DHRSX: variants seen among roughly 807,000 people sequenced by gnomAD.
DHRSX encodes polyprenol dehydrogenase.
Under a neutral mutation model 34.0 loss-of-function variants are expected in DHRSX, and 31 were observed. That is an observed-to-expected ratio of 0.91 (90% CI 0.69 to 1.23). The LOEUF (loss-of-function observed/expected upper bound fraction) is 1.23. Ranked by LOEUF, DHRSX falls within the 50% of genes most tolerant of loss-of-function variation. DHRSX has a pLI of 0.00. For missense variants in DHRSX, 414 were observed against 428.1 expected (o/e 0.97, Z 0.29); for synonymous variants, 201 against 183.8 (o/e 1.09, Z -0.76).
intron 1 of DHRSX, among the ~76,000 whole-genome samples, chrX:2,445,210 G>A (rs1340355855): frequency 3.3e-5 from 5 of 152,100 alleles, no homozygotes; most frequent in South Asian, 2.1e-4. Context: ...ACACAGGGCC[G>A]AAAAGGGCTA....
chrX:2,478,880 G>C (rs6641811), intron 1 of DHRSX, among the ~76,000 whole-genome samples: 45,172 of 151,654 alleles, frequency 0.3, 7,185 homozygotes, highest in African/African-American at 0.4. Flanking sequence ...TGTACACACT[G>C]AAGACGTTCC....
intron 3 of DHRSX, among the ~76,000 whole-genome samples, chrX:2,382,711 TCATCACCAC>T (rs2043222333): frequency 3.8e-5 from 1 of 26,418 alleles, no homozygotes; most frequent in Admixed American, 3.8e-4. Flanking sequence ...ACCATCACCA[TCATCACCAC>T]CATCATCACC....
intron 3 of DHRSX, among the ~76,000 whole-genome samples, chrX:2,314,996 T>C (rs1484225370): frequency 6.6e-6 from 1 of 152,018 alleles, no homozygotes; most frequent in Non-Finnish European, 1.5e-5. Context: ...CTGTCTCTAC[T>C]AAAAGTACAA....
chrX:2,449,353 AC>A (rs1417148071), intron 1 of DHRSX, among the ~76,000 whole-genome samples: 12 of 152,132 alleles, frequency 7.9e-5, no homozygotes, highest in African/African-American at 2.2e-4. Flanking sequence ...CCTAACACAC[AC>A]CATGGCAGGG....
intron 5 of DHRSX, among the ~76,000 whole-genome samples, chrX:2,257,130 A>G (rs762425649): frequency 6.6e-6 from 1 of 152,028 alleles, no homozygotes; most frequent in East Asian, 1.9e-4. Context: ...TAATTTTTGT[A>G]TTTTTAGTAG....
At chrX:2,348,365 G>A (rs987918832) in intron 3 of DHRSX, among the ~76,000 whole-genome samples, 6 of 152,190 alleles carry the variant, frequency 3.9e-5, no homozygotes, top group African/African-American at 1.4e-4. Context: ...TCAGTCGCTT[G>A]CAGCCAGGGT....
chrX:2,270,880 C>T (rs2041542230), intron 4 of DHRSX, among the ~76,000 whole-genome samples: 1 of 151,990 alleles, frequency 6.6e-6, no homozygotes, highest in African/African-American at 2.4e-5. Context: ...TAAAATGGAC[C>T]AATCAATGCT....
intron 3 of DHRSX, among the ~76,000 whole-genome samples, chrX:2,300,679 C>T (rs1171547504): frequency 3.9e-5 from 6 of 152,190 alleles, no homozygotes; most frequent in Non-Finnish European, 8.8e-5. Flanking sequence ...TCAGCTTTAG[C>T]ACTCGGGCTG....
intron 3 of DHRSX, among the ~76,000 whole-genome samples, chrX:2,377,591 T>C (rs2043156395): frequency 6.6e-6 from 1 of 152,076 alleles, no homozygotes; most frequent in Non-Finnish European, 1.5e-5. Context: ...TCCTCTGTTC[T>C]ACAGGACAAG....
intron 3 of DHRSX, among the ~76,000 whole-genome samples, chrX:2,336,027 G>T (rs1014272484): frequency 6.6e-6 from 1 of 151,698 alleles, no homozygotes; most frequent in Non-Finnish European, 1.5e-5. Context: ...TTTTGTTGTC[G>T]TTGAGACAGA....
At chrX:2,326,236 C>T (rs942173524) in intron 3 of DHRSX, among the ~76,000 whole-genome samples, 1 of 152,088 alleles carries the variant, frequency 6.6e-6, no homozygotes, top group Non-Finnish European at 1.5e-5. Context: ...AAGTTAAAAA[C>T]TCCTGGCCAG....
At chrX:2,331,272 T>G (rs1219102553) in intron 3 of DHRSX, among the ~76,000 whole-genome samples, 2 of 152,048 alleles carry the variant, frequency 1.3e-5, no homozygotes, top group African/African-American at 4.8e-5. Flanking sequence ...ATAGCAGAAG[T>G]GACTTCCTCC....
chrX:2,408,967 A>G (rs963817967), intron 2 of DHRSX, 154 bp from the exon 3 acceptor site: 15 of 216,454 alleles, frequency 6.9e-5, no homozygotes, highest in African/African-American at 3.3e-4. Context: ...CTAACTTGAC[A>G]GCCATTTTGG....
chrX:2,282,685 G>A (rs1483700962), intron 4 of DHRSX, among the ~76,000 whole-genome samples: 1 of 142,544 alleles, frequency 7.0e-6, no homozygotes, highest in African/African-American at 2.6e-5. Flanking sequence ...AGAGAGAGAA[G>A]AGGGGAGAAA....
intron 1 of DHRSX, among the ~76,000 whole-genome samples, chrX:2,469,208 C>T (rs1413177761): frequency 6.7e-6 from 1 of 150,172 alleles, no homozygotes; most frequent in Non-Finnish European, 1.5e-5. Flanking sequence ...ACTGAAGACT[C>T]GTTCCCTAGG....
At chrX:2,450,730 TAA>T (rs984601296) in intron 1 of DHRSX, among the ~76,000 whole-genome samples, 2 of 138,156 alleles carry the variant, frequency 1.4e-5, no homozygotes. Flanking sequence ...TTTATCAAAT[TAA>T]AAAAAAAAAA....
chrX:2,268,479 T>G (rs1432549410), intron 4 of DHRSX, among the ~76,000 whole-genome samples: 1 of 152,256 alleles, frequency 6.6e-6, no homozygotes, highest in Non-Finnish European at 1.5e-5. Context: ...TTTATATAGC[T>G]ATACACTTGG....
At chrX:2,410,886 A>C (rs1276093176) in intron 2 of DHRSX, among the ~76,000 whole-genome samples, 4 of 152,226 alleles carry the variant, frequency 2.6e-5, no homozygotes, top group African/African-American at 9.6e-5. Context: ...AGTTGCAGAC[A>C]TCAGAAGACT....
At chrX:2,373,487 T>G (rs145039641) in intron 3 of DHRSX, among the ~76,000 whole-genome samples, 3,412 of 152,234 alleles carry the variant, frequency 0.022, 115 homozygotes, top group African/African-American at 0.076. Flanking sequence ...CACGCCAGAA[T>G]TAGGGGGTCT....
Sources: allele counts gnomAD v4.1 joint callset (sites outside exome capture counted in the v4.1 genomes callset), GRCh38; gene constraint gnomAD v4.1.1; transcripts MANE v1.5; gene names NCBI Gene and HGNC (gene_info 2026-07-23, HGNC 2026-07-21).